The following MCUB variants were observed in gnomAD, a reference collection of about 807,000 sequenced individuals.
The protein encoded by MCUB is calcium uniporter regulatory subunit MCUb, mitochondrial.
Under a neutral mutation model 41.4 loss-of-function variants are expected in MCUB, and 46 were observed. The ratio of observed to expected loss-of-function variants is 1.11; its 90% CI spans 0.88 to 1.42. MCUB has a LOEUF of 1.42. Among genes scored for constraint, MCUB ranks in the 40% most tolerant of loss-of-function variants. The pLI, the probability that MCUB is intolerant of heterozygous loss-of-function variation, is 0.00. For missense variants in MCUB, 403 were observed against 404.9 expected (o/e 1.00, Z 0.04); for synonymous variants, 148 against 148.2 (o/e 1.00, Z 0.01).
At chr4:109,569,584 C>A (rs1223076767) in intron 1 of MCUB, among the ~76,000 whole-genome samples, 1 of 145,554 alleles carries the variant, frequency 6.9e-6, no homozygotes, top group Non-Finnish European at 1.5e-5. Flanking sequence ...GCTTACTGCA[C>A]CCTCTGCCTC....
At chr4:109,587,181 C>A (rs1727329057) in intron 1 of MCUB, among the ~76,000 whole-genome samples, 1 of 152,262 alleles carries the variant, frequency 6.6e-6, no homozygotes, top group African/African-American at 2.4e-5. Context: ...GCCCCTCCCC[C>A]TGCCAGGCTG....
At chr4:109,564,763 T>C (rs1226703008) in intron 1 of MCUB, among the ~76,000 whole-genome samples, 3 of 152,186 alleles carry the variant, frequency 2.0e-5, no homozygotes, top group Admixed American at 6.5e-5. Flanking sequence ...ATGCAAACTA[T>C]ACTTTAACTC....
chr4:109,623,855 A>G (rs906916599), intron 1 of MCUB, among the ~76,000 whole-genome samples: 6 of 152,024 alleles, frequency 3.9e-5, no homozygotes, highest in Non-Finnish European at 8.8e-5. Context: ...AAGATCTTTT[A>G]TTTTTATTTT....
chr4:109,620,012 C>T (rs899430434), intron 1 of MCUB, among the ~76,000 whole-genome samples: 4 of 152,216 alleles, frequency 2.6e-5, no homozygotes, highest in South Asian at 2.1e-4. Flanking sequence ...TGAGCTCTGC[C>T]TTTAAACTCT....
chr4:109,662,095 A>AG (rs1447440590), intron 3 of MCUB, among the ~76,000 whole-genome samples: 23 of 152,178 alleles, frequency 1.5e-4, no homozygotes, highest in African/African-American at 5.6e-4. Context: ...GAGTTCTGAG[A>AG]GGTGGGGAAG....
intron 1 of MCUB, among the ~76,000 whole-genome samples, chr4:109,586,031 A>G (rs1727297923): frequency 6.6e-6 from 1 of 151,964 alleles, no homozygotes; most frequent in Non-Finnish European, 1.5e-5. Flanking sequence ...ATAATATCCT[A>G]AAGAGTGTTT....
intron 1 of MCUB, among the ~76,000 whole-genome samples, chr4:109,570,860 TAG>T (rs1168541764): frequency 6.6e-6 from 1 of 152,198 alleles, no homozygotes; most frequent in East Asian, 1.9e-4. Context: ...TAAAGATGTG[TAG>T]AGATTTCAGC....
At chr4:109,602,824 T>C (rs1014739153) in intron 1 of MCUB, among the ~76,000 whole-genome samples, 1 of 152,216 alleles carries the variant, frequency 6.6e-6, no homozygotes, top group Non-Finnish European at 1.5e-5. Context: ...CAATATTGAT[T>C]CTTCTAATCG....
intron 1 of MCUB, 134 bp downstream of exon 1, chr4:109,560,570 CG>C (rs1170276447): frequency 2.3e-6 from 1 of 444,172 alleles, no homozygotes; most frequent in African/African-American, 2.0e-5. Flanking sequence ...CTCCGCGCGC[CG>C]GGCGGTCCCG....
chr4:109,631,365 T>C (rs555338235), intron 1 of MCUB, among the ~76,000 whole-genome samples: 1 of 152,324 alleles, frequency 6.6e-6, no homozygotes, highest in South Asian at 2.1e-4. Flanking sequence ...CACACCTCTT[T>C]TATTTTTCAT....
intron 1 of MCUB, among the ~76,000 whole-genome samples, chr4:109,605,809 G>A (rs975629585): frequency 4.6e-5 from 7 of 152,002 alleles, no homozygotes; most frequent in African/African-American, 1.7e-4. Flanking sequence ...TATAGTTTTT[G>A]TCTTGAAATC....
intron 4 of MCUB, among the ~76,000 whole-genome samples, chr4:109,673,459 G>T (rs1729504598): frequency 6.6e-6 from 1 of 152,192 alleles, no homozygotes; most frequent in Admixed American, 6.5e-5. Context: ...CTGGAGATGG[G>T]AGGTCAGTGA....
At chr4:109,600,053 A>T (rs1727694362) in intron 1 of MCUB, among the ~76,000 whole-genome samples, 1 of 152,230 alleles carries the variant, frequency 6.6e-6, no homozygotes, top group Non-Finnish European at 1.5e-5. Context: ...ATGCAAATCA[A>T]TCAGAAAACT....
At chr4:109,605,443 C>T (rs918135491) in intron 1 of MCUB, among the ~76,000 whole-genome samples, 1 of 152,154 alleles carries the variant, frequency 6.6e-6, no homozygotes, top group African/African-American at 2.4e-5. Context: ...GTTTTGTGAC[C>T]TAGCATATTA....
intron 1 of MCUB, among the ~76,000 whole-genome samples, chr4:109,599,124 C>T (rs1057037489): frequency 1.1e-4 from 16 of 152,164 alleles, no homozygotes; most frequent in East Asian, 5.8e-4. Context: ...TAAGCTCTGT[C>T]GTCCAAGAAC....
At chr4:109,687,464 G>A in intron 7 of MCUB, 51 bp from the exon 8 acceptor site, 1 of 1,235,720 alleles carries the variant, frequency 8.1e-7, no homozygotes, top group Non-Finnish European at 1.2e-6. Context: ...CAGTAATGTT[G>A]GTATGTTTCT....
intron 1 of MCUB, among the ~76,000 whole-genome samples, chr4:109,621,073 A>AT (rs1034999467): frequency 1.2e-4 from 18 of 151,750 alleles, no homozygotes; most frequent in African/African-American, 3.1e-4. Context: ...TAATTTTTGT[A>AT]TTTTTTTAGT....
intron 1 of MCUB, among the ~76,000 whole-genome samples, chr4:109,649,354 CT>C (rs1728909605): frequency 6.6e-6 from 1 of 152,134 alleles, no homozygotes. Context: ...GAAGTACACA[CT>C]TTTTTTCTCT....
Position 109,660,338 on chromosome 4 carries a change from A to G in MCUB, c.319A>G (p.Ile107Val), listed in dbSNP as rs764800511. 1.2e-6 allele frequency: 2 copies of G among 1,607,938 alleles called. No homozygotes were observed. The highest frequency in any genetic ancestry group is 1.7e-6 in the Non-Finnish European group (2 of 1,175,082). ...LQDLQNEDKG[I>V]KTAAIFTADG... The stretch of plus-strand genomic sequence containing the variant: ...GGACCTACAAAATGAAGATAAGGGT[A>G]TCAAAACTGCAGCCATCTTCACAGC... Residue 107 changes from isoleucine to valine, a missense_variant, in exon 3 of 8, where the codon ATC (isoleucine) becomes GTC (valine). By Grantham distance (29) the Ile-to-Val change is conservative (BLOSUM62 3). Transcript: ENST00000394650.
Sources: gnomAD v4.1 joint callset for allele counts (sites outside exome capture counted in the v4.1 genomes callset) on GRCh38, gnomAD v4.1.1 for gene constraint, MANE v1.5 for transcripts, NCBI Gene and HGNC (gene_info 2026-07-23, HGNC 2026-07-21) for gene names.